The following TRPM6 variants were observed in gnomAD, a reference collection of about 807,000 sequenced individuals.
TRPM6 encodes the protein transient receptor potential cation channel subfamily M member 6.
Under a neutral mutation model 247.6 loss-of-function variants are expected in TRPM6, and 111 were observed. The ratio of observed to expected loss-of-function variants is 0.45; its 90% CI spans 0.38 to 0.52. TRPM6 has a LOEUF of 0.52. Ranked by LOEUF, TRPM6 falls within the 20% of genes least tolerant of loss-of-function variation. TRPM6 has a pLI of 0.00. For synonymous variants in TRPM6, 892 were observed against 853.8 expected (o/e 1.04, Z -0.78); for missense variants, 2,126 against 2,421.5 (o/e 0.88, Z 2.56).
At chr9:74,807,839 T>A (rs894923185) in intron 14 of TRPM6, among the ~76,000 whole-genome samples, 195 bp downstream of exon 14, 1 of 152,240 alleles carries the variant, frequency 6.6e-6, no homozygotes, top group African/African-American at 2.4e-5. Context: ...GTTTCTAAAC[T>A]TCTGATCCTT....
Position 74,739,985 on chromosome 9 carries a change from C to A in TRPM6, c.5225G>T (p.Arg1742Met). The A allele has an allele frequency of 6.2e-7, 1 of 1,614,096 alleles. No homozygotes were observed. The highest frequency in any genetic ancestry group is 8.5e-7 in the Non-Finnish European group (1 of 1,180,020). Reference sequence around the variant, plus strand: ...GTTTAAAGGGGAACTCTCCTCCAACCTGTAGACAGTTATTTCTTCTCCTGC... The same window carrying A: ...GTTTAAAGGGGAACTCTCCTCCAACATGTAGACAGTTATTTCTTCTCCTGC... The part of the protein sequence containing the change: ...LFAGEEITVY[R>M]LEESSPLNLD... The change falls in exon 34 of 39, where the codon AGG becomes ATG. Residue 1742 changes from arginine to methionine, a missense_variant. By Grantham distance (91) the Arg-to-Met change is moderately conservative. Around this residue, in one of 3 missense-constraint regions of TRPM6, gnomAD observed 327 missense variants for 397.7 expected, o/e 0.82. Transcript: ENST00000360774.
chr9:74,853,190 A>G (rs1564051016), intron 3 of TRPM6, among the ~76,000 whole-genome samples: 1 of 148,806 alleles, frequency 6.7e-6, no homozygotes, highest in Admixed American at 6.7e-5. Flanking sequence ...GCCCCGTCTG[A>G]GAAGTGAGAA....
chr9:74,813,821 G>T (rs1828825265), intron 11 of TRPM6, among the ~76,000 whole-genome samples: 1 of 152,246 alleles, frequency 6.6e-6, no homozygotes, highest in South Asian at 2.1e-4. Context: ...TCTGGGCCGG[G>T]CACAGGGGCT....
chr9:74,822,248 C>A (rs960616425), intron 7 of TRPM6, among the ~76,000 whole-genome samples: 1 of 152,022 alleles, frequency 6.6e-6, no homozygotes, highest in Non-Finnish European at 1.5e-5. Context: ...TTAATTATTA[C>A]TTATTTATTT....
intron 11 of TRPM6, among the ~76,000 whole-genome samples, chr9:74,815,249 A>AT (rs888373267): frequency 2.2e-4 from 34 of 152,106 alleles, no homozygotes; most frequent in African/African-American, 7.5e-4. Context: ...GAAAAGAAAG[A>AT]TTTTTTTAAC....
intron 33 of TRPM6, among the ~76,000 whole-genome samples, chr9:74,742,153 A>G (rs1373845379): frequency 2.0e-5 from 3 of 152,214 alleles, no homozygotes; most frequent in Non-Finnish European, 2.9e-5. Context: ...TACACAAAAC[A>G]AAATAAACAA....
intron 17 of TRPM6, 43 bp downstream of exon 17, chr9:74,800,211 A>G (rs372068478): frequency 1.9e-6 from 3 of 1,556,926 alleles, no homozygotes; most frequent in Non-Finnish European, 2.7e-6. Flanking sequence ...AATTTTATAC[A>G]AGACTAACAT....
At chr9:74,815,791 A>G (rs1828904253) in intron 11 of TRPM6, among the ~76,000 whole-genome samples, 1 of 152,272 alleles carries the variant, frequency 6.6e-6, no homozygotes, top group Admixed American at 6.5e-5. Flanking sequence ...GCAGAGAACT[A>G]CCATCTTTTA....
intron 25 of TRPM6, among the ~76,000 whole-genome samples, chr9:74,767,423 C>T (rs916591457): frequency 6.6e-6 from 1 of 152,098 alleles, no homozygotes; most frequent in Non-Finnish European, 1.5e-5. Flanking sequence ...TTTCCACTGT[C>T]GCAACTCACT....
rs371412937 is a variant in TRPM6, at chr9:74,722,614, T to C, written c.*1999A>G. On this transcript the variant is annotated 3_prime_UTR_variant, in exon 39 of 39. Transcript: ENST00000360774. ...AAGCAAACTCTGCCTCTTTCCATAGTTGAGTGCAGCACTGAGGTGAGTACC... is the reference window on the plus strand; with the variant it reads ...AAGCAAACTCTGCCTCTTTCCATAGCTGAGTGCAGCACTGAGGTGAGTACC... 1 of 152,224 alleles carries C rather than the reference T, an allele frequency of 6.6e-6. No individual in the cohort carries two copies. The highest frequency in any genetic ancestry group is 2.1e-4 in the South Asian group (1 of 4,822). 9.4% of individuals were successfully genotyped at this position (152,224 alleles called of 1,614,324 possible). A position where few individuals can be genotyped will look rare whatever the true frequency, so the allele number is the denominator to read the frequency against.
At chr9:74,782,501 ATG>A in intron 22 of TRPM6, 25 bp from the exon 23 acceptor site, 1 of 1,583,634 alleles carries the variant, frequency 6.3e-7, no homozygotes, top group South Asian at 1.1e-5. Flanking sequence ...TTTTAAAAGA[ATG>A]AAAGATAAGA....
intron 27 of TRPM6, among the ~76,000 whole-genome samples, chr9:74,755,799 C>T (rs1481396285): frequency 6.6e-6 from 1 of 152,110 alleles, no homozygotes; most frequent in East Asian, 1.9e-4. Flanking sequence ...TGCAGCAGGT[C>T]TGGAAGGAGG....
rs188336209 is a variant in TRPM6 at position 74,872,520 on chromosome 9, C to T, written c.34-13772G>A. Among the ~76,000 whole-genome samples the T allele has an allele frequency of 5.3e-4, 80 of 152,148 alleles. 1 individual carries two copies. The highest frequency in any genetic ancestry group is 7.2e-5 in the African/African-American group (3 of 41,494). On this transcript the variant is annotated intron_variant, in intron 1 of 38. Transcript: ENST00000360774. ...TCTTGGCTTACTGCAACCTCCGCCT[C>T]GCAATGCTCAAGCAATTCTCCTGCC...
rs746347119 is a variant in TRPM6, at chr9:74,842,220, T to C, written c.276A>G (p.Thr92=). 6.2e-7 allele frequency: 1 copy of C among 1,614,200 alleles called. No individual in the cohort carries two copies. Among genetic ancestry groups the C allele is most frequent in the Non-Finnish European group, 8.5e-7 (1 of 1,180,036 alleles). The change falls in exon 4 of 39, where the codon ACA becomes ACG. Residue 92 remains threonine (T), a synonymous_variant. Transcript: ENST00000360774. ...SVEKHTTKSP[T]DTFGTINFQD... Reference sequence around the variant, plus strand: ...GGAAATTAATCGTGCCAAAAGTATCTGTTGGGCTTTTCGTTGTGTGCTTTT... The same window carrying C: ...GGAAATTAATCGTGCCAAAAGTATCCGTTGGGCTTTTCGTTGTGTGCTTTT...
At chr9:74,799,023 T>A (rs757290781) in intron 17 of TRPM6, among the ~76,000 whole-genome samples, 1 of 152,212 alleles carries the variant, frequency 6.6e-6, no homozygotes, top group African/African-American at 2.4e-5. Context: ...ATTGAACTTA[T>A]GTAGCTAGAG....
At chr9:74,817,304 A>T (rs906153412) in intron 9 of TRPM6, among the ~76,000 whole-genome samples, 5 of 152,208 alleles carry the variant, frequency 3.3e-5, no homozygotes, top group African/African-American at 1.2e-4. Flanking sequence ...ACAACGAATG[A>T]AATCCTTCAT....
chr9:74,747,243 CTA>C, intron 31 of TRPM6, among the ~76,000 whole-genome samples: 1 of 152,278 alleles, frequency 6.6e-6, no homozygotes, highest in East Asian at 1.9e-4. Flanking sequence ...AAGAAAAAGA[CTA>C]TTTGTTTCCT....
chr9:74,782,247 T>C, intron 23 of TRPM6, 115 bp downstream of exon 23: 1 of 734,824 alleles, frequency 1.4e-6, no homozygotes, highest in Non-Finnish European at 2.3e-6. Context: ...ACAATAATAA[T>C]AAATATAGAA....
At chr9:74,874,166 G>A (rs1333596353) in intron 1 of TRPM6, among the ~76,000 whole-genome samples, 2 of 151,850 alleles carry the variant, frequency 1.3e-5, no homozygotes, top group Non-Finnish European at 2.9e-5. Context: ...AACCTAGGAG[G>A]CAGAGATTGC....
Sources: allele counts gnomAD v4.1 joint callset (sites outside exome capture counted in the v4.1 genomes callset), GRCh38; gene constraint gnomAD v4.1.1; regional missense constraint gnomAD v4.1.1; transcripts MANE v1.5; gene names NCBI Gene and HGNC (gene_info 2026-07-23, HGNC 2026-07-21).